TRIM6: variants seen among roughly 807,000 people sequenced by gnomAD.
TRIM6 encodes tripartite motif containing 6.
Under a neutral mutation model 51.2 loss-of-function variants are expected in TRIM6, and 43 were observed. That is an observed-to-expected ratio of 0.84 (90% CI 0.66 to 1.08). The LOEUF is 1.08. Among genes scored for constraint, TRIM6 ranks in the 50% least tolerant of loss-of-function variants. TRIM6 has a pLI of 0.00. For synonymous variants in TRIM6, 215 were observed against 232.4 expected (o/e 0.93, Z 0.68); for missense variants, 669 against 619.0 (o/e 1.08, Z -0.86).
intron 1 of TRIM6, among the ~76,000 whole-genome samples, chr11:5,597,664 C>G (rs870727): frequency 0.5 from 75,449 of 151,972 alleles, 19,153 homozygotes; most frequent in Middle Eastern, 0.71. Flanking sequence ...CTCTGTCATT[C>G]CTAACTCTGA....
chr11:5,596,522 C>CCCCCTT (rs1458919949), upstream of TRIM6: 99 of 29,266 alleles, frequency 3.4e-3, 2 homozygotes, highest in East Asian at 6.2e-3. Context: ...TTCTCCCCTT[C>CCCCCTT]CCCCCTTCCC....
Position 5,610,846 on chromosome 11 carries a change from G to A in TRIM6, c.1055G>A (p.Arg352Lys). 2 of 1,614,204 alleles carry A rather than the reference G, an allele frequency of 1.2e-6. No individual in the cohort carries two copies. The highest frequency in any genetic ancestry group is 1.7e-6 in the Non-Finnish European group (2 of 1,180,048). Residue 352 changes from arginine (R) to lysine (K), a missense_variant, in exon 8 of 8, where the codon AGG becomes AAG. Transcript: ENST00000380097. ...CTGGCTAAAAACCGGAGACAAGTGA[G>A]GTTTGTGGGAGCTAAAGTATCTGGA... ...LVLAKNRRQV[R>K]FVGAKVSGPS... is the part of the protein sequence containing the mutation.
rs767454978 is a variant in TRIM6 at position 5,610,970 on chromosome 11, T to C, written c.1179T>C (p.Thr393=). The change falls in exon 8 of 8, where the codon ACT becomes ACC. Residue 393 remains threonine, a synonymous_variant. Coordinates refer to ENST00000380097, the MANE Select transcript of TRIM6 (RefSeq NM_001003818.3). ...GGGAGGTAGATGTGGCCAAGAAGAC[T>C]GCCTGGATCCTGGGGGTATGCAGCA... ...HYWEVDVAKK[T]AWILGVCSNS... 1.2e-6 allele frequency: 2 copies of C among 1,614,166 alleles called. No homozygotes were observed. Among genetic ancestry groups the C allele is most frequent in the Non-Finnish European group, 1.7e-6 (2 of 1,180,026 alleles).
rs746897134 is a variant in TRIM6 at position 5,611,252 on chromosome 11, C to T, written c.1461C>T (p.Phe487=). ...VTNHGFPIYT[F]SKYYFPTTLC... is the part of the protein sequence containing the mutation. ...ACCATGGCTTCCCCATCTACACTTT[C>T]TCTAAATATTACTTTCCCACTACTC... is the stretch of plus-strand genomic sequence containing the variant. The change falls in exon 8 of 8, where the codon TTC becomes TTT. Residue 487 remains phenylalanine (F), a synonymous_variant. Transcript: ENST00000380097. 4.1e-5 allele frequency: 66 copies of T among 1,613,950 alleles called. No individual in the cohort carries two copies. Among genetic ancestry groups the T allele is most frequent in the Non-Finnish European group, 5.3e-5 (62 of 1,179,950 alleles).
intron 3 of TRIM6, 154 bp downstream of exon 3, chr11:5,604,783 G>A (rs1325930581): frequency 2.8e-6 from 2 of 712,840 alleles, no homozygotes; most frequent in Non-Finnish European, 4.3e-6. Flanking sequence ...CTTCCAAACA[G>A]GGGGAGGAGA....
chr11:5,609,713 G>C (rs1848451783), intron 5 of TRIM6, among the ~76,000 whole-genome samples: 1 of 152,184 alleles, frequency 6.6e-6, no homozygotes, highest in Non-Finnish European at 1.5e-5. Context: ...ACGAGGTCAG[G>C]AGATCAAAAC....
intron 5 of TRIM6, among the ~76,000 whole-genome samples, chr11:5,608,955 G>C (rs1848398303): frequency 7.0e-6 from 1 of 142,682 alleles, no homozygotes; most frequent in South Asian, 2.2e-4. Flanking sequence ...AATTTTATCA[G>C]AGTGACATTC....
At chr11:5,602,051 C>T (rs978384939) in intron 1 of TRIM6, among the ~76,000 whole-genome samples, 2 of 152,032 alleles carry the variant, frequency 1.3e-5, no homozygotes, top group Non-Finnish European at 2.9e-5. Context: ...TGCTAGCTGC[C>T]GAAGATACAA....
In TRIM6 at chr11:5,610,876, C is replaced by G. The variant is rs1310847065; in HGVS notation, c.1085C>G (p.Ser362Cys). 6.2e-7 allele frequency: 1 copy of G among 1,614,186 alleles called. No individual in the cohort carries two copies. Among genetic ancestry groups the G allele is most frequent in the Admixed American group, 1.7e-5 (1 of 60,018 alleles). Residue 362 changes from serine (S) to cysteine (C), a missense_variant, in exon 8 of 8, where the codon TCC becomes TGC. Coordinates refer to ENST00000380097, the MANE Select transcript of TRIM6 (RefSeq NM_001003818.3). ...GTGGGAGCTAAAGTATCTGGACCTTCCTGTCTGGAAAAGCATTATGACTGT... is the reference window on the plus strand; with the variant it reads ...GTGGGAGCTAAAGTATCTGGACCTTGCTGTCTGGAAAAGCATTATGACTGT... ...RFVGAKVSGP[S>C]CLEKHYDCSV...
chr11:5,603,013 A>G (rs1425401326), intron 1 of TRIM6, among the ~76,000 whole-genome samples: 2 of 152,136 alleles, frequency 1.3e-5, no homozygotes, highest in African/African-American at 4.8e-5. Context: ...CCTCCTTTCC[A>G]GGGCCTCAGT....
Position 5,611,151 on chromosome 11 carries a change from A to G in TRIM6, c.1360A>G (p.Met454Val). The change falls in exon 8 of 8, where the codon ATG becomes GTG. Residue 454 changes from methionine to valine, a missense_variant. Met to Val is a conservative substitution (Grantham distance 21, BLOSUM62 1). Coordinates refer to ENST00000380097, the MANE Select transcript of TRIM6 (RefSeq NM_001003818.3). ...EDSSPSLLLS[M>V]TVPPRRVGVF... Reference sequence around the variant, plus strand: ...TTCTTCCCCTTCCCTGCTTCTCTCCATGACAGTGCCCCCTCGCCGTGTTGG... The same window carrying G: ...TTCTTCCCCTTCCCTGCTTCTCTCCGTGACAGTGCCCCCTCGCCGTGTTGG... 6.2e-7 allele frequency: 1 copy of G among 1,614,140 alleles called. No homozygotes were observed. The highest frequency in any genetic ancestry group is 8.5e-7 in the Non-Finnish European group (1 of 1,180,010).
At chr11:5,598,054 C>G (rs559461697) in intron 1 of TRIM6, among the ~76,000 whole-genome samples, 1 of 152,152 alleles carries the variant, frequency 6.6e-6, no homozygotes, top group Non-Finnish European at 1.5e-5. Context: ...TTGGTCCCAC[C>G]TGGTTGTGAA....
chr11:5,605,324 C>G lies in TRIM6; in HGVS notation c.604-13C>G, dbSNP rs1324988574. The G allele has an allele frequency of 6.2e-7, 1 of 1,613,862 alleles. No individual in the cohort carries two copies. The highest frequency in any genetic ancestry group is 1.7e-5 in the Admixed American group (1 of 60,018). On this transcript the variant is annotated splice_polypyrimidine_tract_variant and intron_variant, in intron 3 of 7. Coordinates refer to ENST00000380097, the MANE Select transcript of TRIM6 (RefSeq NM_001003818.3). Reference sequence around the variant, plus strand: ...ACCGACTAGCAGCCTCTTTTTCTTCCCTGTTCCTGAAGAATCAGATGGAGC... The same window carrying G: ...ACCGACTAGCAGCCTCTTTTTCTTCGCTGTTCCTGAAGAATCAGATGGAGC...
intron 1 of TRIM6, among the ~76,000 whole-genome samples, chr11:5,602,268 A>G (rs531796890): frequency 2.3e-3 from 310 of 134,706 alleles, no homozygotes; most frequent in African/African-American, 7.0e-3. Context: ...GTGAAACCTC[A>G]TCTCTACTAA....
chr11:5,603,730 T>G lies in TRIM6; in HGVS notation c.502T>G (p.Tyr168Asp). The change falls in exon 2 of 8, where the codon TAC becomes GAC. Residue 168 changes from tyrosine to aspartate, a missense_variant. Transcript: ENST00000380097. Reference protein sequence around the residue: ...TFLVEEVAQEYQEKFQESLKK... With the variant: ...TFLVEEVAQEDQEKFQESLKK... Reference sequence around the variant, plus strand: ...CCTCGTGGAGGAGGTTGCCCAGGAGTACCAGGTGAGACCCCAGGATGGAAT... The same window carrying G: ...CCTCGTGGAGGAGGTTGCCCAGGAGGACCAGGTGAGACCCCAGGATGGAAT... 6.2e-7 allele frequency: 1 copy of G among 1,612,646 alleles called. No individual in the cohort carries two copies. Among genetic ancestry groups the G allele is most frequent in the Non-Finnish European group, 8.5e-7 (1 of 1,179,610 alleles).
intron 7 of TRIM6, 103 bp downstream of exon 7, chr11:5,610,664 C>A: frequency 2.6e-6 from 4 of 1,563,974 alleles, no homozygotes; most frequent in African/African-American, 1.4e-5. Flanking sequence ...ATGCCTCCCC[C>A]ATCCCCGCCA....
Position 5,596,751 on chromosome 11 carries a change from A to T in TRIM6, c.-147A>T. 1 of 1,246,640 alleles carries T rather than the reference A, an allele frequency of 8.0e-7. No homozygotes were observed. The highest frequency in any genetic ancestry group is 1.2e-6 in the Non-Finnish European group (1 of 863,694). The allele number at this position is 1,246,640 out of a possible 1,614,324, so 77.2% of individuals were successfully genotyped here. A position where few individuals can be genotyped will look rare whatever the true frequency, so the allele number is the denominator to read the frequency against. Reference sequence around the variant, plus strand: ...TGCCTTTCTCGGAACGGAACGGAGCAGAGTCGTGCGTGGTTGAGTTTAGAT... The same window carrying T: ...TGCCTTTCTCGGAACGGAACGGAGCTGAGTCGTGCGTGGTTGAGTTTAGAT... On this transcript the variant is annotated 5_prime_UTR_variant, in exon 1 of 8. The change creates a premature stop within an existing upstream ORF in the 5' untranslated region. Coordinates refer to ENST00000380097, the MANE Select transcript of TRIM6 (RefSeq NM_001003818.3).
rs78001465 is a variant in TRIM6 at position 5,611,859 on chromosome 11, T to C, written c.*517T>C. ...TGAGGTGGATAGGGGGCGCTTTCAG[T>C]ATTTTGCCATTAAGCATAGTATTTG... On this transcript the variant is annotated 3_prime_UTR_variant, in exon 8 of 8. Transcript: ENST00000380097. The C allele has an allele frequency of 6.4e-3, 978 of 153,056 alleles. 9 individuals carry two copies. The highest frequency in any genetic ancestry group is 0.023 in the African/African-American group (947 of 41,570). 9.5% of individuals were successfully genotyped at this position (153,056 alleles called of 1,614,324 possible). A position where few individuals can be genotyped will look rare whatever the true frequency, so the allele number is the denominator to read the frequency against.
chr11:5,610,090 G>A (rs2133864987), intron 5 of TRIM6, 55 bp from the exon 6 acceptor site: 6 of 1,588,180 alleles, frequency 3.8e-6, no homozygotes, highest in Middle Eastern at 1.7e-4. Context: ...GGAGATGGGT[G>A]GTGGAGGAAC....
Sources: gnomAD v4.1 joint callset for allele counts (sites outside exome capture counted in the v4.1 genomes callset) on GRCh38, gnomAD v4.1.1 for gene constraint, MANE v1.5 for transcripts, NCBI Gene and HGNC (gene_info 2026-07-23, HGNC 2026-07-21) for gene names.